Variants in ITGB2 observed in about 807,000 individuals in gnomAD.
The protein encoded by ITGB2 is integrin beta-2.
Under a neutral mutation model 86.8 loss-of-function variants are expected in ITGB2, and 56 were observed. That is an observed-to-expected ratio of 0.65 (90% CI 0.52 to 0.81). The LOEUF is 0.81. Among genes scored for constraint, ITGB2 ranks in the 30% least tolerant of loss-of-function variants. The probability of loss-of-function intolerance (pLI) is 0.00; values close to 1 mark genes in which losing one functional copy is unlikely to be tolerated. For synonymous variants in ITGB2, 457 were observed against 450.4 expected, an observed-to-expected ratio of 1.01 and a Z score of -0.19; for missense variants, 948 against 1,061.2, an observed-to-expected ratio of 0.89 and a Z score of 1.48.
chr21:44,888,559 C>G (rs1601280248), intron 14 of ITGB2, 134 bp downstream of exon 14: 1 of 1,017,956 alleles, frequency 9.8e-7, no homozygotes, highest in South Asian at 1.4e-5. Flanking sequence ...CCAAGGGCAT[C>G]CCGCATGGCT....
At chr21:44,919,023 A>ACTCAGAGGTG (rs1568909678) in intron 1 of ITGB2, among the ~76,000 whole-genome samples, 9 of 144,920 alleles carry the variant, frequency 6.2e-5, no homozygotes, top group South Asian at 2.2e-4. Context: ...ACTCGGAGGC[A>ACTCAGAGGTG]CCTGCAGTTG....
intron 3 of ITGB2, among the ~76,000 whole-genome samples, chr21:44,908,650 T>C (rs2084081632): frequency 6.7e-6 from 1 of 149,624 alleles, no homozygotes; most frequent in South Asian, 2.1e-4. Flanking sequence ...GCAAGTCTGC[T>C]GACACTCCTG....
In ITGB2 at chr21:44,910,396, A is replaced by T. The variant is rs776005030; in HGVS notation, c.59-24T>A. 6 of 1,613,870 alleles carry T rather than the reference A, an allele frequency of 3.7e-6. No individual in the cohort carries two copies. In the African/African-American group the frequency reaches 8.0e-5, roughly 22 times the overall value. On this transcript the variant is annotated intron_variant, in intron 2 of 15. Coordinates refer to ENST00000652462, the MANE Select transcript of ITGB2 (RefSeq NM_000211.5). The stretch of plus-strand genomic sequence containing the variant: ...GACTGAGGGACGAGGCCGGCTGGTG[A>T]GTGGGTGCTCTGGGCCGCCCTGCCC...
chr21:44,892,848 C>T (rs1433722292), intron 10 of ITGB2: 2 of 165,722 alleles, frequency 1.2e-5, no homozygotes, highest in Admixed American at 5.6e-5. Flanking sequence ...ACCTGTGTGG[C>T]CCATGCCTTA....
At chr21:44,924,774 G>A (rs940836535), upstream of ITGB2, among the ~76,000 whole-genome samples, 7 of 152,152 alleles carry the variant, frequency 4.6e-5, no homozygotes, top group African/African-American at 9.7e-5. Context: ...ACGGGGTAAT[G>A]AATAAGAGCC....
Position 44,886,302 on chromosome 21 carries a change from C to T in ITGB2, c.*66G>A, listed in dbSNP as rs907725224. ...GACATCCTCAAGAGCTGTGGCAAGCCATGTCTCGGCCGCGTGATGGGGCAG... is the reference window on the plus strand; with the variant it reads ...GACATCCTCAAGAGCTGTGGCAAGCTATGTCTCGGCCGCGTGATGGGGCAG... On this transcript the variant is annotated 3_prime_UTR_variant, in exon 16 of 16. Transcript: ENST00000652462. 4.4e-6 allele frequency: 6 copies of T among 1,366,144 alleles called. No individual in the cohort carries two copies. Among genetic ancestry groups the T allele is most frequent in the South Asian group, 1.2e-5 (1 of 86,080 alleles). 84.6% of individuals were successfully genotyped at this position (1,366,144 alleles called of 1,614,324 possible).
At chr21:44,907,984 A>G (rs1334156922) in intron 3 of ITGB2, 2 of 705,448 alleles carry the variant, frequency 2.8e-6, no homozygotes, top group Admixed American at 4.1e-5. Context: ...AGAAACAAAC[A>G]AATCTCACTG....
chr21:44,927,883 T>G (rs2084395654), intron 1 of ITGB2: 1 of 152,298 alleles, frequency 6.6e-6, no homozygotes, highest in Non-Finnish European at 1.5e-5. Flanking sequence ...CCATCAGGGC[T>G]GGTCCCAGGC....
chr21:44,905,689 G>A (rs1446683662), intron 4 of ITGB2, among the ~76,000 whole-genome samples: 1 of 152,118 alleles, frequency 6.6e-6, no homozygotes, highest in African/African-American at 2.4e-5. Flanking sequence ...GGCAGCGAGG[G>A]GCAGGCCTGA....
At chr21:44,891,730 G>A in intron 11 of ITGB2, 79 bp downstream of exon 11, 2 of 1,503,898 alleles carry the variant, frequency 1.3e-6, no homozygotes, top group Non-Finnish European at 1.8e-6. Context: ...GGAGCCACCT[G>A]CACCCACCTC....
chr21:44,924,630 C>T (rs2084349016), upstream of ITGB2, among the ~76,000 whole-genome samples: 1 of 152,006 alleles, frequency 6.6e-6, no homozygotes, highest in African/African-American at 2.4e-5. Context: ...CATAAGGAGG[C>T]CAAATTCACG....
intron 1 of ITGB2, among the ~76,000 whole-genome samples, chr21:44,926,422 C>T (rs535596775): frequency 4.6e-5 from 7 of 152,344 alleles, no homozygotes; most frequent in African/African-American, 1.2e-4. Context: ...TCCACGGAGC[C>T]GGGAGGCCTG....
At chr21:44,900,643 C>T (rs112932766) in intron 6 of ITGB2, among the ~76,000 whole-genome samples, 168 bp from the exon 7 acceptor site, 4 of 117,896 alleles carry the variant, frequency 3.4e-5, no homozygotes, top group African/African-American at 1.0e-4. Context: ...ACGCCACGCC[C>T]AGGAGGAGAC....
intron 2 of ITGB2, 49 bp downstream of exon 2, chr21:44,910,676 T>C: frequency 1.3e-6 from 2 of 1,595,146 alleles, no homozygotes; most frequent in Non-Finnish European, 1.7e-6. Context: ...CTGTTCTCCC[T>C]GATTGGAATG....
At chr21:44,898,116 G>A (rs1313378398) in intron 8 of ITGB2, among the ~76,000 whole-genome samples, 6 of 152,172 alleles carry the variant, frequency 3.9e-5, no homozygotes. Context: ...TTGGGGTGGG[G>A]CCCTGGACAG....
At chr21:44,925,736 C>T (rs1427407342), upstream of ITGB2, among the ~76,000 whole-genome samples, 3 of 152,162 alleles carry the variant, frequency 2.0e-5, no homozygotes, top group African/African-American at 7.2e-5. Context: ...CTAATAGATG[C>T]CAACTCCGAG....
Position 44,886,883 on chromosome 21 carries a change from G to A in ITGB2, c.2100C>T (p.Asn700=), listed in dbSNP as rs2083707412. Residue 700 remains asparagine, a synonymous_variant, in exon 15 of 16, where the codon AAC becomes AAT. Coordinates refer to ENST00000652462, the MANE Select transcript of ITGB2 (RefSeq NM_000211.5). The stretch of plus-strand genomic sequence containing the variant: ...CGGTGCCCCCGACGATGGCGGCGAT[G>A]TTGGGGCCTGCCACACACTCTAGGG... The part of the protein sequence containing the change: ...DESRECVAGP[N]IAAIVGGTVA... The A allele has an allele frequency of 1.9e-6, 3 of 1,613,140 alleles. No homozygotes were observed. Among genetic ancestry groups the A allele is most frequent in the African/African-American group, 1.3e-5 (1 of 74,934 alleles).
intron 8 of ITGB2, 36 bp from the exon 9 acceptor site, chr21:44,895,096 G>A: frequency 6.7e-7 from 1 of 1,484,212 alleles, no homozygotes; most frequent in Non-Finnish European, 9.4e-7. Flanking sequence ...GCACGGCTAG[G>A]ACCTGTGCCA....
intron 1 of ITGB2, among the ~76,000 whole-genome samples, chr21:44,915,304 G>A (rs565414586): frequency 5.3e-5 from 8 of 152,260 alleles, no homozygotes; most frequent in South Asian, 2.1e-4. Context: ...GATTACAGGC[G>A]TGAGCCACCG....
Sources: allele counts gnomAD v4.1 joint callset (sites outside exome capture counted in the v4.1 genomes callset), GRCh38; gene constraint gnomAD v4.1.1; transcripts MANE v1.5; gene names NCBI Gene and HGNC (gene_info 2026-07-23, HGNC 2026-07-21).